The following SPHKAP variants were observed in gnomAD, a reference collection of about 807,000 sequenced individuals.
SPHKAP encodes A-kinase anchor protein SPHKAP.
SPHKAP carries 67 observed loss-of-function variants against 137.5 expected under a neutral mutation model. The ratio of observed to expected loss-of-function variants is 0.49; its 90% CI spans 0.40 to 0.60. The LOEUF (loss-of-function observed/expected upper bound fraction) is 0.60, where lower values mean the gene tolerates loss of function less well. SPHKAP is among the 20% of genes least tolerant of loss of function. The probability of loss-of-function intolerance (pLI) is 0.00; values close to 1 mark genes in which losing one functional copy is unlikely to be tolerated. For missense variants in SPHKAP, 2,097 were observed against 2,069.3 expected (o/e 1.01, Z -0.26); for synonymous variants, 813 against 785.3 (o/e 1.04, Z -0.59).
At chr2:228,059,367 T>C (rs1213627860) in intron 3 of SPHKAP, among the ~76,000 whole-genome samples, 8 of 152,224 alleles carry the variant, frequency 5.3e-5, no homozygotes, top group African/African-American at 1.4e-4. Flanking sequence ...ACTTACTCAC[T>C]TTTGTAATTT....
At chr2:228,105,502 A>G (rs918219235) in intron 3 of SPHKAP, among the ~76,000 whole-genome samples, 8 of 152,342 alleles carry the variant, frequency 5.3e-5, no homozygotes, top group Non-Finnish European at 8.8e-5. Flanking sequence ...AAATAAAATT[A>G]TATTGTTTGA....
At chr2:228,042,989 G>A (rs1265297599) in intron 3 of SPHKAP, among the ~76,000 whole-genome samples, 1 of 152,168 alleles carries the variant, frequency 6.6e-6, no homozygotes, top group African/African-American at 2.4e-5. Context: ...TGCAAGAGAT[G>A]CGCAATAGGT....
intron 3 of SPHKAP, among the ~76,000 whole-genome samples, chr2:228,040,225 G>A (rs1244315729): frequency 6.6e-6 from 1 of 152,098 alleles, no homozygotes; most frequent in Non-Finnish European, 1.5e-5. Context: ...GCAGCCATCT[G>A]GCCATGTGGG....
At chr2:228,121,064 G>A (rs1031781479) in intron 2 of SPHKAP, among the ~76,000 whole-genome samples, 1 of 152,156 alleles carries the variant, frequency 6.6e-6, no homozygotes, top group South Asian at 2.1e-4. Flanking sequence ...TATATGAAGT[G>A]CGTGAAAGCC....
chr2:228,154,178 G>A (rs1700023299), intron 1 of SPHKAP, among the ~76,000 whole-genome samples: 1 of 151,482 alleles, frequency 6.6e-6, no homozygotes, highest in Non-Finnish European at 1.5e-5. Flanking sequence ...TTAATAAAAC[G>A]ACAGACAAAA....
intron 11 of SPHKAP, among the ~76,000 whole-genome samples, chr2:227,987,254 C>T (rs1437628020): frequency 6.6e-6 from 1 of 152,208 alleles, no homozygotes; most frequent in Non-Finnish European, 1.5e-5. Flanking sequence ...CTGTTTCATG[C>T]CCACATGGCT....
At chr2:228,125,040 C>T (rs1461960552) in intron 2 of SPHKAP, among the ~76,000 whole-genome samples, 3 of 152,150 alleles carry the variant, frequency 2.0e-5, no homozygotes, top group Non-Finnish European at 4.4e-5. Flanking sequence ...TCAGACTCTG[C>T]CTCTGGGAAC....
intron 3 of SPHKAP, among the ~76,000 whole-genome samples, chr2:228,064,305 T>C (rs896997440): frequency 6.6e-6 from 1 of 152,192 alleles, no homozygotes; most frequent in Non-Finnish European, 1.5e-5. Context: ...CAACTTAGTA[T>C]TTATTGCACA....
chr2:227,993,428 G>T, intron 9 of SPHKAP, 106 bp downstream of exon 9: 1 of 1,005,102 alleles, frequency 9.9e-7, no homozygotes, highest in Non-Finnish European at 1.5e-6. Flanking sequence ...CAGCAGTACA[G>T]ACATGATGAG....
chr2:228,021,618 C>A, intron 6 of SPHKAP, 93 bp downstream of exon 6: 2 of 1,464,592 alleles, frequency 1.4e-6, no homozygotes, highest in Non-Finnish European at 1.8e-6. Flanking sequence ...ATGTGTCAGC[C>A]AAACTGATGT....
intron 4 of SPHKAP, chr2:228,025,750 AAAAGTAAACATTTTAC>A (rs1695009076): frequency 1.3e-6 from 1 of 741,680 alleles, no homozygotes; most frequent in Non-Finnish European, 1.6e-6. Flanking sequence ...TACATTTTAC[AAAAGTAAACATTTTAC>A]AAAGTAAACA....
At chr2:227,997,028 T>C (rs1360094367) in intron 7 of SPHKAP, among the ~76,000 whole-genome samples, 7 of 152,196 alleles carry the variant, frequency 4.6e-5, no homozygotes, top group African/African-American at 7.2e-5. Context: ...GCCTGGACTA[T>C]AGTGCACCAG....
intron 7 of SPHKAP, 72 bp downstream of exon 7, chr2:228,016,334 T>G: frequency 6.7e-7 from 1 of 1,488,200 alleles, no homozygotes; most frequent in Non-Finnish European, 8.9e-7. Flanking sequence ...TGTCTAAAAT[T>G]TAGACTAAAC....
chr2:228,181,607 G>A lies in SPHKAP; in HGVS notation c.-9C>T. ...AGGGAGTTGCCATCCATTGTTGGTG[G>A]GCGCCCAGAGAAGAAAGACGGAAAG... On this transcript the variant is annotated 5_prime_UTR_variant, in exon 1 of 12. Coordinates refer to ENST00000392056, the MANE Select transcript of SPHKAP (RefSeq NM_001142644.2). This position sits in a 1 kb window ranked among gnomAD's most constrained non-coding sequence, Gnocchi z 4.3. 1.2e-6 allele frequency: 2 copies of A among 1,614,140 alleles called. No individual in the cohort carries two copies. Among genetic ancestry groups the A allele is most frequent in the Non-Finnish European group, 1.7e-6 (2 of 1,180,018 alleles).
chr2:228,133,125 G>A (rs772822864), intron 1 of SPHKAP, among the ~76,000 whole-genome samples: 72 of 151,804 alleles, frequency 4.7e-4, no homozygotes, highest in Admixed American at 3.0e-3. Flanking sequence ...TGGGCAACAC[G>A]GTGAAACTCC....
intron 1 of SPHKAP, among the ~76,000 whole-genome samples, chr2:228,150,773 C>A (rs1286780616): frequency 6.6e-6 from 1 of 151,636 alleles, no homozygotes; most frequent in Admixed American, 6.6e-5. Flanking sequence ...TTTTTGGAGA[C>A]AGGGTCTCAT....
chr2:227,993,663 T>G, intron 8 of SPHKAP, 43 bp from the exon 9 acceptor site: 1 of 1,486,750 alleles, frequency 6.7e-7, no homozygotes, highest in Non-Finnish European at 9.2e-7. Flanking sequence ...GTCTCCACCC[T>G]CTAACATGCT....
chr2:228,133,183 T>C (rs1699314554), intron 1 of SPHKAP, among the ~76,000 whole-genome samples: 2 of 151,908 alleles, frequency 1.3e-5, no homozygotes, highest in Non-Finnish European at 1.5e-5. Flanking sequence ...GGTGCATGCC[T>C]GTAGTCCCAA....
intron 2 of SPHKAP, among the ~76,000 whole-genome samples, chr2:228,119,469 A>ACT (rs1176221621): frequency 4.4e-4 from 67 of 150,612 alleles, no homozygotes; most frequent in African/African-American, 1.6e-3. Context: ...ACACACACAC[A>ACT]CACTCTCTCT....
Sources: allele counts gnomAD v4.1 joint callset (sites outside exome capture counted in the v4.1 genomes callset), GRCh38; gene constraint gnomAD v4.1.1; non-coding constraint Gnocchi (gnomAD v3.1); transcripts MANE v1.5; gene names NCBI Gene and HGNC (gene_info 2026-07-23, HGNC 2026-07-21).